The following PPARD variants were observed in gnomAD, a reference collection of about 807,000 sequenced individuals.
PPARD encodes the protein peroxisome proliferator-activated receptor delta.
Under a neutral mutation model 39.5 loss-of-function variants are expected in PPARD, and 6 were observed. The ratio of observed to expected loss-of-function variants is 0.15; its 90% CI spans 0.08 to 0.30. PPARD has a LOEUF of 0.30. PPARD is among the 10% of genes least tolerant of loss of function. PPARD has a pLI of 1.00. For synonymous variants in PPARD, 210 were observed against 231.3 expected (o/e 0.91, Z 0.83); for missense variants, 397 against 596.8 (o/e 0.67, Z 3.49).
chr6:35,376,587 T>G (rs1372235214), intron 2 of PPARD, among the ~76,000 whole-genome samples: 1 of 152,178 alleles, frequency 6.6e-6, no homozygotes, highest in East Asian at 1.9e-4. Flanking sequence ...AGCAGCTTGT[T>G]TGCCTCTGGC....
chr6:35,408,162 C>T (rs1044544710), intron 2 of PPARD, among the ~76,000 whole-genome samples: 4 of 152,172 alleles, frequency 2.6e-5, no homozygotes, highest in African/African-American at 9.7e-5. Flanking sequence ...CACCTCTAGG[C>T]ATAGTATTCC....
At chr6:35,385,216 T>C (rs1366226250) in intron 2 of PPARD, among the ~76,000 whole-genome samples, 1 of 147,984 alleles carries the variant, frequency 6.8e-6, no homozygotes, top group East Asian at 2.1e-4. Flanking sequence ...GGGGAAAAGA[T>C]TGAGAAATCG....
intron 2 of PPARD, among the ~76,000 whole-genome samples, chr6:35,406,375 A>G (rs1765049170): frequency 6.6e-6 from 1 of 152,212 alleles, no homozygotes; most frequent in South Asian, 2.1e-4. Flanking sequence ...CTAGGGGTCA[A>G]GGTTGCTCCT....
intron 2 of PPARD, among the ~76,000 whole-genome samples, chr6:35,362,373 T>C (rs11961212): frequency 0.047 from 7,204 of 151,920 alleles, 389 homozygotes; most frequent in African/African-American, 0.13. Flanking sequence ...AGTCTTACTC[T>C]GCCTCTCCCC....
intron 2 of PPARD, among the ~76,000 whole-genome samples, chr6:35,386,976 GAAACCTGCTTTC>G (rs1763702262): frequency 6.7e-6 from 1 of 149,826 alleles, no homozygotes; most frequent in Non-Finnish European, 1.5e-5. Flanking sequence ...GGAGGTGGGG[GAAACCTGCTTTC>G]CCCCACCTCC....
rs1475034563 is a variant in PPARD, at chr6:35,364,665, C to G, written c.-102+17515C>G. 2.0e-5 allele frequency among the ~76,000 whole-genome samples: 3 copies of G among 151,672 alleles called. No individual in the cohort carries two copies. In the East Asian group the frequency reaches 5.8e-4, roughly 29 times the overall value. ...TGTTGGCCAGACTGGTCTCAAACTC[C>G]TGACCTCAGGCAATCTCCCCGCCTT... On this transcript the variant is annotated intron_variant, in intron 2 of 7. Transcript: ENST00000360694.
At chr6:35,353,960 G>A (rs560736687) in intron 2 of PPARD, among the ~76,000 whole-genome samples, 9 of 152,284 alleles carry the variant, frequency 5.9e-5, no homozygotes, top group South Asian at 4.1e-4. Context: ...ACGGCTGGGC[G>A]CATGGCTCAC....
intron 2 of PPARD, among the ~76,000 whole-genome samples, chr6:35,396,306 G>A (rs1179675366): frequency 1.3e-5 from 2 of 151,066 alleles, no homozygotes; most frequent in Admixed American, 1.3e-4. Context: ...CCAGGTTCAC[G>A]CCATTCTCCT....
chr6:35,418,406 C>G (rs1233295117), intron 3 of PPARD, among the ~76,000 whole-genome samples: 1 of 152,210 alleles, frequency 6.6e-6, no homozygotes, highest in African/African-American at 2.4e-5. Flanking sequence ...GTCAGGACAC[C>G]CAGGCAGCCT....
Position 35,392,301 on chromosome 6 carries a change from T to C in PPARD, c.-101-18686T>C, listed in dbSNP as rs576799246. Among the ~76,000 whole-genome samples, 6 of 152,294 alleles carry C rather than the reference T, an allele frequency of 3.9e-5. No individual in the cohort carries two copies. The South Asian group carries it at 1.2e-3, about 32-fold the overall frequency. On this transcript the variant is annotated intron_variant, in intron 2 of 7. Coordinates refer to ENST00000360694, the MANE Select transcript of PPARD (RefSeq NM_006238.5). ...GCCCAAAGCAAACTGGTTCCTCCCCTGCATGTGGCAGGCTGTCCTGCAAGC... is the reference window on the plus strand; with the variant it reads ...GCCCAAAGCAAACTGGTTCCTCCCCCGCATGTGGCAGGCTGTCCTGCAAGC...
At chr6:35,348,063 A>C (rs1209367482) in intron 2 of PPARD, among the ~76,000 whole-genome samples, 1 of 151,274 alleles carries the variant, frequency 6.6e-6, no homozygotes, top group Non-Finnish European at 1.5e-5. Flanking sequence ...ATGCGCCACC[A>C]CATCTGGCTA....
At chr6:35,396,241 G>A (rs1396241680) in intron 2 of PPARD, among the ~76,000 whole-genome samples, 4 of 150,152 alleles carry the variant, frequency 2.7e-5, no homozygotes, top group African/African-American at 4.9e-5. Context: ...GTCTCGCTCT[G>A]TCGCCCAGGC....
At chr6:35,364,731 T>C (rs193274706) in intron 2 of PPARD, among the ~76,000 whole-genome samples, 450 of 151,746 alleles carry the variant, frequency 3.0e-3, no homozygotes, top group African/African-American at 0.01. Flanking sequence ...TTTGTTTTTT[T>C]TTTTGAGACG....
At chr6:35,417,324 GAC>G (rs891266145) in intron 3 of PPARD, among the ~76,000 whole-genome samples, 2 of 151,622 alleles carry the variant, frequency 1.3e-5, no homozygotes, top group African/African-American at 4.9e-5. Flanking sequence ...TTTAAGTAGA[GAC>G]AGTCTTGCTT....
Position 35,426,092 on chromosome 6 carries a change from G to T in PPARD, c.*13G>T. 1 of 1,607,354 alleles carries T rather than the reference G, an allele frequency of 6.2e-7. No homozygotes were observed. On this transcript the variant is annotated 3_prime_UTR_variant, in exon 8 of 8. Transcript: ENST00000360694. ...GGACATGTACTAACGGCGGCACCCA[G>T]GCCTCCCTGCAGACTCCAATGGGGC...
At position 35,404,505 on chromosome 6, in the gene PPARD, AC is replaced by A. The variant is rs1484286089; in HGVS notation, c.-101-6481del. On this transcript the variant is annotated intron_variant, in intron 2 of 7. Transcript: ENST00000360694. ...GAGGATGGAGGCCCCTGGCACACTG[AC>A]TGTCCCCACTCATCCCCTGGGTAGG... Among the ~76,000 whole-genome samples, 10 of 152,140 alleles carry A rather than the reference AC, an allele frequency of 6.6e-5. 1 individual carries two copies. The highest frequency in any genetic ancestry group is 2.4e-4 in the African/African-American group (10 of 41,418).
At chr6:35,410,555 G>A (rs1337821323) in intron 2 of PPARD, among the ~76,000 whole-genome samples, 3 of 152,210 alleles carry the variant, frequency 2.0e-5, no homozygotes, top group East Asian at 1.9e-4. Context: ...CAGCAGAGCC[G>A]TGATTCTTGG....
At chr6:35,409,173 A>G (rs1247202766) in intron 2 of PPARD, among the ~76,000 whole-genome samples, 2 of 152,092 alleles carry the variant, frequency 1.3e-5, no homozygotes, top group Non-Finnish European at 2.9e-5. Context: ...CTCATCTTCC[A>G]CATTATTAAG....
At chr6:35,420,997 T>C (rs1766122954) in intron 4 of PPARD, among the ~76,000 whole-genome samples, 1 of 151,896 alleles carries the variant, frequency 6.6e-6, no homozygotes, top group African/African-American at 2.4e-5. Context: ...TGGCTAATTT[T>C]TGTATTTTTA....
Sources: gnomAD v4.1 joint callset for allele counts (sites outside exome capture counted in the v4.1 genomes callset) on GRCh38, gnomAD v4.1.1 for gene constraint, MANE v1.5 for transcripts, NCBI Gene and HGNC (gene_info 2026-07-23, HGNC 2026-07-21) for gene names.